Variants in PLXNA4 observed in about 807,000 individuals in gnomAD.
PLXNA4 encodes the protein plexin A4, also known as plexin-A4.
Under a neutral mutation model 191.8 loss-of-function variants are expected in PLXNA4, and 44 were observed. The observed-to-expected ratio is 0.23, with a 90% confidence interval of 0.18 to 0.29. The LOEUF (loss-of-function observed/expected upper bound fraction) is 0.29, where lower values mean the gene tolerates loss of function less well. Ranked by LOEUF, PLXNA4 falls within the 10% of genes least tolerant of loss-of-function variation. PLXNA4 has a pLI of 1.00. For synonymous variants in PLXNA4, 1,082 were observed against 1,009.5 expected, an observed-to-expected ratio of 1.07 and a Z score of -1.36; for missense variants, 1,800 against 2,488.8, an observed-to-expected ratio of 0.72 and a Z score of 5.89.
At chr7:132,232,253 C>T (rs1211434102) in intron 5 of PLXNA4, among the ~76,000 whole-genome samples, 1 of 152,150 alleles carries the variant, frequency 6.6e-6, no homozygotes, top group Admixed American at 6.5e-5. Context: ...TAAAGCATGT[C>T]CCTCAGCTCC....
intron 3 of PLXNA4, among the ~76,000 whole-genome samples, chr7:132,388,811 C>G (rs1488924009): frequency 6.6e-6 from 1 of 152,210 alleles, no homozygotes; most frequent in Non-Finnish European, 1.5e-5. Flanking sequence ...TGCCAGCCCT[C>G]CCTTCCAATT....
intron 3 of PLXNA4, among the ~76,000 whole-genome samples, chr7:132,355,207 G>A (rs146727125): frequency 1.3e-5 from 2 of 152,266 alleles, no homozygotes; most frequent in African/African-American, 2.4e-5. Context: ...GTGAGTTACC[G>A]CAGGGATGAC....
intron 2 of PLXNA4, among the ~76,000 whole-genome samples, chr7:132,602,191 C>A (rs2116841354): frequency 6.6e-6 from 1 of 152,304 alleles, no homozygotes; most frequent in East Asian, 1.9e-4. Context: ...ACTCCCTGTT[C>A]TTTTCAAGGT....
intron 1 of PLXNA4, among the ~76,000 whole-genome samples, chr7:132,555,626 T>C (rs1328363852): frequency 6.6e-6 from 1 of 152,250 alleles, no homozygotes; most frequent in Non-Finnish European, 1.5e-5. Context: ...ACTCTTTTAA[T>C]GATAAGGACA....
chr7:132,301,202 T>C (rs1801292376), intron 3 of PLXNA4, among the ~76,000 whole-genome samples: 2 of 152,206 alleles, frequency 1.3e-5, no homozygotes, highest in African/African-American at 2.4e-5. Context: ...AAGAAAAGCA[T>C]TATTTATTCA....
chr7:132,247,770 G>A (rs180946024), intron 4 of PLXNA4, among the ~76,000 whole-genome samples: 3 of 152,194 alleles, frequency 2.0e-5, no homozygotes, highest in African/African-American at 7.2e-5. Context: ...TGCCAGGGCT[G>A]CAATTTGTGG....
chr7:132,551,639 T>C (rs1800565811), intron 1 of PLXNA4, among the ~76,000 whole-genome samples: 1 of 152,086 alleles, frequency 6.6e-6, no homozygotes, highest in African/African-American at 2.4e-5. Context: ...TCAATTGCCC[T>C]CTAGTTTCCC....
At chr7:132,599,618 G>A (rs1464085883) in intron 2 of PLXNA4, among the ~76,000 whole-genome samples, 2 of 151,900 alleles carry the variant, frequency 1.3e-5, no homozygotes, top group Non-Finnish European at 2.9e-5. Flanking sequence ...TTCTAGGTAA[G>A]TGATCATATC....
rs1303553333 is a variant in PLXNA4 at position 132,507,714 on chromosome 7, C to A, written c.980G>T (p.Gly327Val). Residue 327 changes from glycine (G) to valine (V), a missense_variant, in exon 2 of 32, where the codon GGA (glycine) becomes GTA (valine). By Grantham distance (109) the Gly-to-Val change is moderately radical. Around this residue, in one of 6 missense-constraint regions of PLXNA4, gnomAD observed 1,397 missense variants for 1,880.4 expected, o/e 0.74. Transcript: ENST00000321063. ...KAGAVLGRTL[G>V]VHPDDDLLFT... The stretch of plus-strand genomic sequence containing the variant: ...GAGCAGGTCATCATCTGGATGGACT[C>A]CAAGGGTCCTGCCAAGCACGGCCCC... 1 of 1,614,094 alleles carries A rather than the reference C, an allele frequency of 6.2e-7. No homozygotes were observed. The highest frequency in any genetic ancestry group is 8.5e-7 in the Non-Finnish European group (1 of 1,180,044).
upstream of PLXNA4, chr7:132,576,634 C>T (rs547928800): frequency 1.4e-5 from 14 of 981,738 alleles, no homozygotes; most frequent in Non-Finnish European, 1.6e-5. The surrounding 1 kb of genome is among the most constrained non-coding windows in gnomAD (Gnocchi z 5.8). Context: ...TCAGAGCCTG[C>T]GGGGCTTGAC....
chr7:132,299,632 C>T (rs1275110512), intron 3 of PLXNA4, among the ~76,000 whole-genome samples: 2 of 152,148 alleles, frequency 1.3e-5, no homozygotes, highest in Admixed American at 6.5e-5. Flanking sequence ...TGATATAATC[C>T]TCTCAATCCT....
Position 132,254,103 on chromosome 7 carries a change from T to C in PLXNA4, c.1504-12937A>G, listed in dbSNP as rs150239747. The stretch of plus-strand genomic sequence containing the variant: ...CCTTTCAAGCCAGAAGATTCCATCA[T>C]AACTAACTATCTTAAGGCTGGAAAA... On this transcript the variant is annotated intron_variant, in intron 4 of 31. Coordinates refer to ENST00000321063, the MANE Select transcript of PLXNA4 (RefSeq NM_020911.2). 4.4e-3 allele frequency among the ~76,000 whole-genome samples: 677 copies of C among 152,314 alleles called. 3 individuals carry two copies. Among genetic ancestry groups the C allele is most frequent in the Non-Finnish European group, 7.6e-3 (520 of 68,026 alleles).
chr7:132,448,061 C>T (rs966839718), intron 3 of PLXNA4, among the ~76,000 whole-genome samples: 2 of 152,150 alleles, frequency 1.3e-5, no homozygotes, highest in Admixed American at 6.5e-5. Context: ...CGTATAGCAT[C>T]TCTCACACCT....
At chr7:132,169,112 G>A (rs1214582913) in intron 21 of PLXNA4, among the ~76,000 whole-genome samples, 1 of 152,210 alleles carries the variant, frequency 6.6e-6, no homozygotes, top group African/African-American at 2.4e-5. Context: ...CTCTGGGTAA[G>A]TCTCTTTCCT....
intron 1 of PLXNA4, among the ~76,000 whole-genome samples, chr7:132,563,394 TTCTC>T (rs1200336070): frequency 7.4e-5 from 4 of 54,356 alleles, no homozygotes; most frequent in African/African-American, 3.3e-4. Flanking sequence ...CTCCTCCTCT[TTCTC>T]CTCCTCCTCC....
intron 3 of PLXNA4, among the ~76,000 whole-genome samples, chr7:132,404,830 C>T (rs1794143984): frequency 6.6e-6 from 1 of 151,896 alleles, no homozygotes; most frequent in Admixed American, 6.6e-5. Flanking sequence ...TATTATTATC[C>T]CTGTGGCCCA....
chr7:132,577,849 C>T (rs1802319531), upstream of PLXNA4, among the ~76,000 whole-genome samples: 1 of 152,146 alleles, frequency 6.6e-6, no homozygotes, highest in Non-Finnish European at 1.5e-5. Context: ...AGAACCCCTC[C>T]CAACACCCCA....
intron 25 of PLXNA4, among the ~76,000 whole-genome samples, chr7:132,157,180 A>G (rs766050802): frequency 6.6e-6 from 1 of 152,186 alleles, no homozygotes; most frequent in Non-Finnish European, 1.5e-5. Flanking sequence ...CATGGTGAGC[A>G]CTGGAGACCT....
intron 3 of PLXNA4, among the ~76,000 whole-genome samples, chr7:132,429,842 G>T (rs1357347406): frequency 6.6e-6 from 1 of 152,170 alleles, no homozygotes; most frequent in East Asian, 1.9e-4. Flanking sequence ...TGCCGTGGTA[G>T]GCCAGGCTAT....
Sources: allele counts gnomAD v4.1 joint callset (sites outside exome capture counted in the v4.1 genomes callset), GRCh38; gene constraint gnomAD v4.1.1; regional missense constraint gnomAD v4.1.1; non-coding constraint Gnocchi (gnomAD v3.1); transcripts MANE v1.5; gene names NCBI Gene and HGNC (gene_info 2026-07-23, HGNC 2026-07-21).